AKAP19: variants seen among roughly 807,000 people sequenced by gnomAD.
The protein encoded by AKAP19 is A-kinase anchoring protein 19, also known as small A-kinase anchoring protein.
chr2:190,144,490 A>T, the AKAP19 span, among the ~76,000 whole-genome samples: 2 of 152,160 alleles, frequency 1.3e-5, no homozygotes, highest in African/African-American at 4.8e-5. Flanking sequence ...TAAAAAACAC[A>T]TAGAAATCTC....
chr2:190,028,114 A>G, the AKAP19 span, among the ~76,000 whole-genome samples: 2 of 152,056 alleles, frequency 1.3e-5, no homozygotes, highest in African/African-American at 2.4e-5. Context: ...TTCTTTGCTT[A>G]GCTTTTTTAT....
chr2:189,882,483 A>C, the AKAP19 span, among the ~76,000 whole-genome samples: 2 of 152,202 alleles, frequency 1.3e-5, no homozygotes, highest in African/African-American at 4.8e-5. Context: ...CCAGAAAGGC[A>C]GGACAACCTG....
At chr2:190,169,856 G>A in the AKAP19 span, among the ~76,000 whole-genome samples, 1 of 152,212 alleles carries the variant, frequency 6.6e-6, no homozygotes, top group Non-Finnish European at 1.5e-5. Context: ...TTCTGTGGGA[G>A]AAGTATTAAT....
the AKAP19 span, among the ~76,000 whole-genome samples, chr2:189,998,445 A>C: frequency 6.6e-6 from 1 of 152,220 alleles, no homozygotes; most frequent in Non-Finnish European, 1.5e-5. Flanking sequence ...TCCTTATTAC[A>C]GATCTATTCA....
chr2:189,991,755 T>A, the AKAP19 span, among the ~76,000 whole-genome samples: 1 of 152,202 alleles, frequency 6.6e-6, no homozygotes, highest in African/African-American at 2.4e-5. Flanking sequence ...GGGTTCTTGG[T>A]CATGAATTCT....
At chr2:190,184,891 T>C in the AKAP19 span, among the ~76,000 whole-genome samples, 4 of 152,296 alleles carry the variant, frequency 2.6e-5, no homozygotes, top group East Asian at 7.7e-4. Context: ...TTACATTAAA[T>C]GTACCTCTCT....
the AKAP19 span, among the ~76,000 whole-genome samples, chr2:189,958,086 G>A: frequency 6.6e-6 from 1 of 152,194 alleles, no homozygotes; most frequent in East Asian, 1.9e-4. Flanking sequence ...GAGCCATTGC[G>A]CCAAGATATT....
chr2:189,947,082 T>C, the AKAP19 span, among the ~76,000 whole-genome samples: 1 of 152,128 alleles, frequency 6.6e-6, no homozygotes, highest in Admixed American at 6.5e-5. Flanking sequence ...ATGAAATTGT[T>C]CATTAAGGAT....
At chr2:189,909,736 T>A in the AKAP19 span, among the ~76,000 whole-genome samples, 2 of 152,102 alleles carry the variant, frequency 1.3e-5, no homozygotes, top group Non-Finnish European at 2.9e-5. Context: ...TCAATATTTT[T>A]GTCTTTTAAG....
chr2:189,972,513 G>T, the AKAP19 span, among the ~76,000 whole-genome samples: 1 of 152,148 alleles, frequency 6.6e-6, no homozygotes, highest in Admixed American at 6.5e-5. Flanking sequence ...TTCCAATTCT[G>T]CAAAGAAAGT....
At chr2:190,092,392 C>T in the AKAP19 span, among the ~76,000 whole-genome samples, 1 of 151,882 alleles carries the variant, frequency 6.6e-6, no homozygotes, top group East Asian at 1.9e-4. Context: ...CATATCTTTT[C>T]CTTATGTTCT....
At chr2:189,973,701 T>C in the AKAP19 span, among the ~76,000 whole-genome samples, 7 of 152,178 alleles carry the variant, frequency 4.6e-5, no homozygotes, top group Non-Finnish European at 8.8e-5. Context: ...TTCTTCCTGG[T>C]TTAGTCTTGG....
At chr2:189,990,801 A>AC in the AKAP19 span, among the ~76,000 whole-genome samples, 1 of 152,094 alleles carries the variant, frequency 6.6e-6, no homozygotes, top group African/African-American at 2.4e-5. Flanking sequence ...ATTTTGGTGC[A>AC]CCCATCACCT....
the AKAP19 span, among the ~76,000 whole-genome samples, chr2:189,915,785 C>T: frequency 1.3e-5 from 2 of 152,016 alleles, no homozygotes; most frequent in East Asian, 3.8e-4. Flanking sequence ...GCACAATGTT[C>T]TTGGTTGCAA....
At chr2:190,171,573 G>A in the AKAP19 span, among the ~76,000 whole-genome samples, 2 of 152,154 alleles carry the variant, frequency 1.3e-5, no homozygotes, top group African/African-American at 2.4e-5. Context: ...TTGCTTTACT[G>A]AGCACTGACG....
At chr2:190,194,477 T>TACACACACACAC in the AKAP19 span, among the ~76,000 whole-genome samples, 19 of 141,476 alleles carry the variant, frequency 1.3e-4, no homozygotes, top group South Asian at 6.9e-4. Context: ...ATCCTGTGTA[T>TACACACACACAC]ACACACACAC....
At chr2:189,900,687 A>T in the AKAP19 span, among the ~76,000 whole-genome samples, 2 of 152,016 alleles carry the variant, frequency 1.3e-5, no homozygotes, top group Admixed American at 1.3e-4. Context: ...TTTGTCCCAT[A>T]TGTTGTGGGT....
the AKAP19 span, among the ~76,000 whole-genome samples, chr2:190,024,145 A>G: frequency 6.6e-6 from 1 of 151,870 alleles, no homozygotes; most frequent in African/African-American, 2.4e-5. Context: ...TTCTGACACC[A>G]TGGTGGTCAT....
chr2:190,196,606 T>A, the AKAP19 span, among the ~76,000 whole-genome samples: 1 of 151,892 alleles, frequency 6.6e-6, no homozygotes, highest in African/African-American at 2.4e-5. Flanking sequence ...ATGGTAGGCA[T>A]TGTGAATAAT....
Sources: gnomAD v4.1 joint callset for allele counts (sites outside exome capture counted in the v4.1 genomes callset) on GRCh38, gnomAD v4.1.1 for gene constraint, MANE v1.5 for transcripts, NCBI Gene and HGNC (gene_info 2026-07-23, HGNC 2026-07-21) for gene names.